CSMD1: variants seen among roughly 807,000 people sequenced by gnomAD.
CSMD1 encodes the protein CUB and sushi domain-containing protein 1.
A neutral mutation model predicts 417.5 loss-of-function variants in CSMD1; 213 were observed. That is an observed-to-expected ratio of 0.51 (90% CI 0.46 to 0.57). The LOEUF is 0.57. Among genes scored for constraint, CSMD1 ranks in the 20% least tolerant of loss-of-function variants. The pLI is 0.00. For missense variants in CSMD1, 6,923 were observed against 4,529.7 expected, an observed-to-expected ratio of 1.53 and a Z score of -15.17; for synonymous variants, 2,862 against 1,736.8, an observed-to-expected ratio of 1.65 and a Z score of -16.11.
In CSMD1 at chr8:4,532,748, G is replaced by C. The variant is rs578173514; in HGVS notation, c.302+104594C>G. Among the ~76,000 whole-genome samples the C allele has an allele frequency of 3.8e-5, 5 of 130,182 alleles. No homozygotes were observed. The East Asian group carries it at 1.2e-3, about 32-fold the overall frequency. 85.4% of individuals were successfully genotyped at this position (130,182 alleles called of 152,430 possible). A position where few individuals can be genotyped will look rare whatever the true frequency, so the allele number is the denominator to read the frequency against. On this transcript the variant is annotated intron_variant, in intron 2 of 69. Coordinates refer to ENST00000635120, the MANE Select transcript of CSMD1 (RefSeq NM_033225.6). Reference sequence around the variant, plus strand: ...TCAGTCACTCCAGAAAAGAAATCCTGCACCCCCATTCAGTCACTCCGGAAG... The same window carrying C: ...TCAGTCACTCCAGAAAAGAAATCCTCCACCCCCATTCAGTCACTCCGGAAG...
At chr8:2,947,618 T>C (rs1005336704) in intron 68 of CSMD1, among the ~76,000 whole-genome samples, 3 of 151,246 alleles carry the variant, frequency 2.0e-5, no homozygotes, top group Admixed American at 1.3e-4. Flanking sequence ...GTCAAATTCA[T>C]TGGATCAGTC....
chr8:4,296,021 T>G (rs1014185847), intron 3 of CSMD1, among the ~76,000 whole-genome samples: 1 of 151,882 alleles, frequency 6.6e-6, no homozygotes. Flanking sequence ...AACAACATCT[T>G]AAAAATGAAA....
intron 3 of CSMD1, among the ~76,000 whole-genome samples, chr8:4,328,242 A>ATTTTTTT (rs3067534): frequency 8.0e-6 from 1 of 124,700 alleles, no homozygotes; most frequent in South Asian, 2.6e-4. Flanking sequence ...ACTCAATACA[A>ATTTTTTT]TTTTTTTTTT....
chr8:4,794,305 G>C (rs1193499531), intron 1 of CSMD1, among the ~76,000 whole-genome samples: 2 of 152,080 alleles, frequency 1.3e-5, no homozygotes, highest in African/African-American at 4.8e-5. Context: ...TGCAATTTTT[G>C]TTAAAAGAAG....
chr8:4,644,957 A>G (rs2130877999), intron 1 of CSMD1, among the ~76,000 whole-genome samples: 1 of 152,260 alleles, frequency 6.6e-6, no homozygotes, highest in South Asian at 2.1e-4. Flanking sequence ...ATCTCTGTGC[A>G]CACTCATAGG....
intron 12 of CSMD1, among the ~76,000 whole-genome samples, chr8:3,456,273 C>T (rs1019441044): frequency 6.6e-6 from 1 of 151,608 alleles, no homozygotes; most frequent in Non-Finnish European, 1.5e-5. Flanking sequence ...TGGGGCGATG[C>T]CTTGCCCTGC....
chr8:3,595,495 A>C (rs1055700947), intron 8 of CSMD1, among the ~76,000 whole-genome samples: 4 of 152,190 alleles, frequency 2.6e-5, no homozygotes, highest in Non-Finnish European at 4.4e-5. Flanking sequence ...GGAACTCTCT[A>C]GCCTGAGGAA....
At chr8:4,229,468 A>G (rs1334685336) in intron 3 of CSMD1, among the ~76,000 whole-genome samples, 1 of 152,164 alleles carries the variant, frequency 6.6e-6, no homozygotes, top group African/African-American at 2.4e-5. Flanking sequence ...ACAATCACCA[A>G]CAAGCACTTA....
chr8:4,690,985 CCAAAGTG>C (rs1806730304), intron 1 of CSMD1, among the ~76,000 whole-genome samples: 1 of 152,082 alleles, frequency 6.6e-6, no homozygotes, highest in Non-Finnish European at 1.5e-5. Flanking sequence ...CCGTGGCCTC[CCAAAGTG>C]CTGGGATTAC....
chr8:3,842,334 T>C (rs1037780782), intron 5 of CSMD1, among the ~76,000 whole-genome samples: 48 of 152,156 alleles, frequency 3.2e-4, no homozygotes, highest in African/African-American at 1.0e-3. Context: ...CTGACTCAAT[T>C]AGGTTTTAGA....
intron 1 of CSMD1, among the ~76,000 whole-genome samples, chr8:4,704,985 A>G (rs1807828371): frequency 1.3e-5 from 2 of 152,152 alleles, no homozygotes; most frequent in African/African-American, 4.8e-5. Flanking sequence ...TGTAATCCCT[A>G]CACGTGTTGA....
chr8:4,129,802 A>T (rs1802987544), intron 3 of CSMD1, among the ~76,000 whole-genome samples: 1 of 152,116 alleles, frequency 6.6e-6, no homozygotes. Context: ...TTGTTACTCC[A>T]ACTTTATTTT....
At chr8:3,393,677 A>AAT in intron 17 of CSMD1, among the ~76,000 whole-genome samples, 1 of 152,034 alleles carries the variant, frequency 6.6e-6, no homozygotes, top group Non-Finnish European at 1.5e-5. Flanking sequence ...TGATGAGTTC[A>AAT]TGTCTTTTGT....
At chr8:3,368,646 G>C (rs1166995161) in intron 19 of CSMD1, among the ~76,000 whole-genome samples, 1 of 152,090 alleles carries the variant, frequency 6.6e-6, no homozygotes, top group African/African-American at 2.4e-5. Context: ...GCCCCAAATA[G>C]ACTCTTAAAG....
intron 6 of CSMD1, 124 bp downstream of exon 6, chr8:3,753,806 T>A (rs1343521217): frequency 6.6e-6 from 4 of 604,738 alleles, no homozygotes; most frequent in African/African-American, 1.9e-5. Context: ...AAGATAACTG[T>A]GAATAAAAGA....
chr8:4,074,767 T>C (rs1270933174), intron 3 of CSMD1, among the ~76,000 whole-genome samples: 1 of 152,152 alleles, frequency 6.6e-6, no homozygotes, highest in Non-Finnish European at 1.5e-5. Flanking sequence ...AAAACATTGC[T>C]TGCAAAGTAG....
At chr8:4,130,230 C>G (rs1301959038) in intron 3 of CSMD1, among the ~76,000 whole-genome samples, 1 of 152,052 alleles carries the variant, frequency 6.6e-6, no homozygotes, top group Non-Finnish European at 1.5e-5. Context: ...TCTTGTCAGT[C>G]TAGTATGTAA....
chr8:3,702,141 T>A (rs2129037383), intron 7 of CSMD1: 2 of 152,306 alleles, frequency 1.3e-5, no homozygotes, highest in East Asian at 3.9e-4. Flanking sequence ...ATTAGAGTGC[T>A]CAGTTTTCCA....
intron 12 of CSMD1, among the ~76,000 whole-genome samples, chr8:3,449,613 G>T (rs575267264): frequency 6.6e-6 from 1 of 152,082 alleles, no homozygotes; most frequent in Admixed American, 6.5e-5. Context: ...TGCCTCTTGG[G>T]TTCAAGCAAT....
Sources: allele counts gnomAD v4.1 joint callset (sites outside exome capture counted in the v4.1 genomes callset), GRCh38; gene constraint gnomAD v4.1.1; transcripts MANE v1.5; gene names NCBI Gene and HGNC (gene_info 2026-07-23, HGNC 2026-07-21).